COPZ1: variants seen among roughly 807,000 people sequenced by gnomAD.
The protein encoded by COPZ1 is coat protein complex I subunit zeta 1, also known as coatomer subunit zeta-1.
Under a neutral mutation model 31.7 loss-of-function variants are expected in COPZ1, and 4 were observed. That is an observed-to-expected ratio of 0.13 (90% CI 0.06 to 0.29). The LOEUF (loss-of-function observed/expected upper bound fraction) is 0.29. COPZ1 is among the 10% of genes least tolerant of loss of function. The probability of loss-of-function intolerance (pLI) is 1.00; values close to 1 mark genes in which losing one functional copy is unlikely to be tolerated. For synonymous variants in COPZ1, 74 were observed against 79.0 expected, an observed-to-expected ratio of 0.94 and a Z score of 0.33; for missense variants, 156 against 211.5, an observed-to-expected ratio of 0.74 and a Z score of 1.63.
At chr12:54,343,048 G>A (rs928771949) in intron 3 of COPZ1, among the ~76,000 whole-genome samples, 177 bp from the exon 4 acceptor site, 4 of 151,842 alleles carry the variant, frequency 2.6e-5, no homozygotes, top group African/African-American at 9.7e-5. Flanking sequence ...GTAGAGACGG[G>A]GTTTCACTGT....
chr12:54,342,094 T>C, intron 2 of COPZ1, 112 bp from the exon 3 acceptor site: 3 of 742,990 alleles, frequency 4.0e-6, no homozygotes, highest in Non-Finnish European at 7.3e-6. Flanking sequence ...ATTTCTCCCT[T>C]GCCCCATGCC....
chr12:54,333,536 TC>T (rs1165975157), intron 1 of COPZ1, among the ~76,000 whole-genome samples: 1 of 152,088 alleles, frequency 6.6e-6, no homozygotes, highest in Non-Finnish European at 1.5e-5. Context: ...TAATGGCTGA[TC>T]CCCATTATAG....
Position 54,349,669 on chromosome 12 carries a change from C to G in COPZ1, c.486+11C>G. The G allele has an allele frequency of 1.2e-6, 2 of 1,605,570 alleles. No individual in the cohort carries two copies. The highest frequency in any genetic ancestry group is 2.2e-5 in the East Asian group (1 of 44,848). On this transcript the variant is annotated intron_variant, in intron 8 of 8. Coordinates refer to ENST00000262061, the MANE Select transcript of COPZ1 (RefSeq NM_016057.3). ...CAGACCGTGTCTCAGGTATGACTCTCCCTTCTTCCTTTCCAGATGGACTGG... is the reference window on the plus strand; with the variant it reads ...CAGACCGTGTCTCAGGTATGACTCTGCCTTCTTCCTTTCCAGATGGACTGG...
chr12:54,344,345 C>T (rs1031808780), intron 4 of COPZ1, among the ~76,000 whole-genome samples: 3 of 152,032 alleles, frequency 2.0e-5, no homozygotes, highest in African/African-American at 4.8e-5. Flanking sequence ...TTTGGGAGGC[C>T]GAGGCAGGCG....
chr12:54,325,688 T>C (rs1953619729), intron 1 of COPZ1: 1 of 155,126 alleles, frequency 6.4e-6, no homozygotes, highest in Non-Finnish European at 1.4e-5. Flanking sequence ...TATAGGTTTG[T>C]CAAATAATCA....
intron 1 of COPZ1, among the ~76,000 whole-genome samples, chr12:54,329,227 T>C (rs1001173183): frequency 6.6e-6 from 1 of 152,156 alleles, no homozygotes; most frequent in Non-Finnish European, 1.5e-5. Context: ...CAGATCACCA[T>C]TCTCCATTAA....
chr12:54,335,414 T>G (rs1293415909), intron 1 of COPZ1, among the ~76,000 whole-genome samples: 1 of 148,490 alleles, frequency 6.7e-6, no homozygotes, highest in Non-Finnish European at 1.5e-5. Context: ...TAGGGAATGT[T>G]TTTTTTTTTT....
Position 54,342,271 on chromosome 12 carries a change from G to C in COPZ1, c.153G>C (p.Lys51Asn), listed in dbSNP as rs141654583. 6.2e-7 allele frequency: 1 copy of C among 1,613,646 alleles called. No homozygotes were observed. The highest frequency in any genetic ancestry group is 1.3e-5 in the African/African-American group (1 of 74,904). ...CCTTTGAGAAGAACATTTTCAACAAGACCCATCGGACTGACAGTAGGTCAT... is the reference window on the plus strand; with the variant it reads ...CCTTTGAGAAGAACATTTTCAACAACACCCATCGGACTGACAGTAGGTCAT... ...QKAFEKNIFN[K>N]THRTDSEIAL... The change falls in exon 3 of 9, where the codon AAG becomes AAC. Residue 51 changes from lysine (K) to asparagine (N), a missense_variant. Physicochemically the swap from Lys to Asn is moderately conservative, Grantham distance 94 (BLOSUM62 0). Coordinates refer to ENST00000262061, the MANE Select transcript of COPZ1 (RefSeq NM_016057.3).
In COPZ1 at chr12:54,351,734, A is replaced by G. The variant is rs1046042463; in HGVS notation, c.*1211A>G. 1 of 152,240 alleles carries G rather than the reference A, an allele frequency of 6.6e-6. No homozygotes were observed. Among genetic ancestry groups the G allele is most frequent in the African/African-American group, 2.4e-5 (1 of 41,464 alleles). 9.4% of individuals were successfully genotyped at this position (152,240 alleles called of 1,614,324 possible). ...CAGTTCTCCAGCACTGAGGTGGGGC[A>G]GATAACGGGGCATATTTAAGGGGGC... On this transcript the variant is annotated 3_prime_UTR_variant, in exon 9 of 9. Coordinates refer to ENST00000262061, the MANE Select transcript of COPZ1 (RefSeq NM_016057.3).
intron 1 of COPZ1, among the ~76,000 whole-genome samples, chr12:54,336,302 T>A (rs1171653333): frequency 6.6e-6 from 1 of 152,086 alleles, no homozygotes; most frequent in African/African-American, 2.4e-5. Flanking sequence ...CCCAGCACTT[T>A]GGGAGGCCGA....
intron 3 of COPZ1, 168 bp downstream of exon 3, chr12:54,342,455 C>T: frequency 1.7e-6 from 1 of 604,874 alleles, no homozygotes; most frequent in East Asian, 2.8e-5. Flanking sequence ...GGTGAGTGTA[C>T]CTCACGCGGG....
chr12:54,326,160 G>A (rs1194880380), intron 1 of COPZ1, among the ~76,000 whole-genome samples: 3 of 116,982 alleles, frequency 2.6e-5, no homozygotes, highest in Admixed American at 9.9e-5. Flanking sequence ...TTATTTTTGA[G>A]ACGGAGTCTC....
chr12:54,347,228 C>T (rs766085282), intron 5 of COPZ1, among the ~76,000 whole-genome samples: 19 of 152,196 alleles, frequency 1.2e-4, no homozygotes, highest in Admixed American at 2.6e-4. Flanking sequence ...CATGCACCAA[C>T]CAACGGATCT....
At chr12:54,336,677 C>T (rs751732258) in intron 1 of COPZ1, among the ~76,000 whole-genome samples, 21 of 151,550 alleles carry the variant, frequency 1.4e-4, no homozygotes, top group South Asian at 4.2e-4. Context: ...GTCCTCTATG[C>T]GCTAGGGGAG....
Position 54,347,750 on chromosome 12 carries a change from T to G in COPZ1, c.318-17T>G, listed in dbSNP as rs1245320488. The stretch of plus-strand genomic sequence containing the variant: ...CATACAAGTTGGTTATTCTCTTCTC[T>G]TCTCTTGGGGACTCAGGAAAAATGT... On this transcript the variant is annotated splice_polypyrimidine_tract_variant and intron_variant, in intron 5 of 8. Coordinates refer to ENST00000262061, the MANE Select transcript of COPZ1 (RefSeq NM_016057.3). The G allele has an allele frequency of 6.2e-7, 1 of 1,607,814 alleles. No homozygotes were observed. The highest frequency in any genetic ancestry group is 1.1e-5 in the South Asian group (1 of 90,052).
intron 1 of COPZ1, among the ~76,000 whole-genome samples, chr12:54,331,362 G>T (rs909807813): frequency 4.6e-5 from 7 of 151,942 alleles, no homozygotes; most frequent in African/African-American, 1.7e-4. Context: ...TGTATTTTTA[G>T]TAGAGACGGG....
At chr12:54,342,345 G>A (rs1421754712) in intron 3 of COPZ1, 58 bp downstream of exon 3, 2 of 1,226,584 alleles carry the variant, frequency 1.6e-6, no homozygotes, top group East Asian at 4.6e-5. Flanking sequence ...TGGAAAGGGG[G>A]TGGTAACAGG....
intron 1 of COPZ1, among the ~76,000 whole-genome samples, chr12:54,336,377 TA>T (rs1268598929): frequency 2.6e-5 from 4 of 151,818 alleles, no homozygotes; most frequent in Non-Finnish European, 4.4e-5. Context: ...CCATCCCTAC[TA>T]AAAATACAAA....
intron 1 of COPZ1, among the ~76,000 whole-genome samples, chr12:54,332,178 C>T (rs1028673184): frequency 1.3e-5 from 2 of 151,822 alleles, no homozygotes; most frequent in Non-Finnish European, 2.9e-5. Context: ...AAAAATTAGC[C>T]GGTCATGGTG....
Sources: allele counts gnomAD v4.1 joint callset (sites outside exome capture counted in the v4.1 genomes callset), GRCh38; gene constraint gnomAD v4.1.1; transcripts MANE v1.5; gene names NCBI Gene and HGNC (gene_info 2026-07-23, HGNC 2026-07-21).